Variants in RP1 observed in about 807,000 individuals in gnomAD.
RP1 encodes the protein RP1 axonemal microtubule associated.
A neutral mutation model predicts 14.8 loss-of-function variants in RP1; 16 were observed. That is an observed-to-expected ratio of 1.08 (90% CI 0.73 to 1.65). The LOEUF is 1.65. Ranked by LOEUF, RP1 falls within the 40% of genes most tolerant of loss-of-function variation. The probability of loss-of-function intolerance (pLI) is 0.00; values close to 1 mark genes in which losing one functional copy is unlikely to be tolerated. For missense variants in RP1, 2,631 were observed against 2,535.0 expected (o/e 1.04, Z -0.81); for synonymous variants, 876 against 883.6 (o/e 0.99, Z 0.15).
At chr8:54,851,761 A>G (rs1238155458) in intron 25 of RP1, among the ~76,000 whole-genome samples, 1 of 152,236 alleles carries the variant, frequency 6.6e-6, no homozygotes, top group Non-Finnish European at 1.5e-5. Flanking sequence ...GTCAGGCATG[A>G]TGGAAACAGC....
At chr8:54,698,492 A>ATCTAGAACT (rs1363375855) in intron 12 of RP1, among the ~76,000 whole-genome samples, 3 of 152,190 alleles carry the variant, frequency 2.0e-5, no homozygotes, top group Non-Finnish European at 4.4e-5. Flanking sequence ...TTCCTCAAGG[A>ATCTAGAACT]TCTAGAACTA....
intron 3 of RP1, among the ~76,000 whole-genome samples, chr8:54,647,084 A>G (rs1312166995): frequency 6.6e-6 from 1 of 152,200 alleles, no homozygotes; most frequent in Non-Finnish European, 1.5e-5. Flanking sequence ...TGTGTAGGGC[A>G]AACAAAATAT....
At chr8:54,760,085 C>G (rs1232048092) in intron 22 of RP1, among the ~76,000 whole-genome samples, 1 of 152,170 alleles carries the variant, frequency 6.6e-6, no homozygotes, top group Non-Finnish European at 1.5e-5. Flanking sequence ...ATCCTAAAGG[C>G]ATGCCACTAA....
chr8:54,843,951 C>T (rs1409093486), intron 25 of RP1, among the ~76,000 whole-genome samples: 1 of 152,164 alleles, frequency 6.6e-6, no homozygotes, highest in African/African-American at 2.4e-5. Context: ...ACTCTTTTTT[C>T]TGATTAGGAA....
chr8:54,822,692 T>C (rs1421925894), intron 24 of RP1, among the ~76,000 whole-genome samples: 1 of 152,162 alleles, frequency 6.6e-6, no homozygotes, highest in African/African-American at 2.4e-5. Flanking sequence ...GTAATCCAAG[T>C]AGTCCATGAG....
At chr8:54,745,789 C>T (rs181455188) in intron 19 of RP1, among the ~76,000 whole-genome samples, 1 of 151,888 alleles carries the variant, frequency 6.6e-6, no homozygotes, top group Non-Finnish European at 1.5e-5. Flanking sequence ...CTCATCTACC[C>T]CAACATAAAG....
intron 24 of RP1, among the ~76,000 whole-genome samples, chr8:54,809,940 G>A (rs139818509): frequency 6.6e-6 from 1 of 152,128 alleles, no homozygotes; most frequent in South Asian, 2.1e-4. Context: ...CAGTATTGCC[G>A]AGAGTCCAGG....
In RP1 at chr8:54,720,203, G is replaced by A. The variant is rs142125743; in HGVS notation, c.2286G>A (p.Thr762=). The change falls in exon 16 of 23, where the codon ACG becomes ACA. Residue 762 remains threonine, a synonymous_variant. Transcript: ENST00000636932. ...ATGCATCCATAAGCCTGGAATCTAC[G>A]AAGAGCCCAGGATTGTTTGTTGGAC... 1.4e-3 allele frequency: 2,186 copies of A among 1,535,784 alleles called. 20 individuals are homozygous for A. Among genetic ancestry groups the A allele is most frequent in the Middle Eastern group, 0.012 (69 of 5,990 alleles).
chr8:54,843,208 G>C (rs543826554), intron 25 of RP1, among the ~76,000 whole-genome samples: 19 of 152,122 alleles, frequency 1.2e-4, no homozygotes, highest in African/African-American at 2.7e-4. Flanking sequence ...GCTAGTTTTT[G>C]TATTTTTATG....
At chr8:54,848,754 T>G (rs1019287476) in intron 25 of RP1, among the ~76,000 whole-genome samples, 2 of 152,186 alleles carry the variant, frequency 1.3e-5, no homozygotes, top group Non-Finnish European at 2.9e-5. Flanking sequence ...CTTTTATTTC[T>G]TTTTATTTTT....
chr8:54,752,379 G>A (rs1809394429), intron 19 of RP1, among the ~76,000 whole-genome samples: 1 of 152,126 alleles, frequency 6.6e-6, no homozygotes, highest in Admixed American at 6.5e-5. Context: ...AGGAATAAAT[G>A]TTTGCAAAGG....
Position 54,624,892 on chromosome 8 carries a change from T to C in RP1, c.1010T>C (p.Val337Ala). Residue 337 changes from valine to alanine, a missense_variant, in exon 4 of 4, where the codon GTT becomes GCT. By Grantham distance (64) the Val-to-Ala change is moderately conservative. Transcript: ENST00000220676. The part of the protein sequence containing the change: ...QDGTMTVEMK[V>A]RFRIKEEETI... ...GGCACTATGACAGTTGAGATGAAAG[T>C]TCGATTCAGAATAAAAGAGGAAGAA... 1 of 1,613,938 alleles carries C rather than the reference T, an allele frequency of 6.2e-7. No individual in the cohort carries two copies. The highest frequency in any genetic ancestry group is 8.5e-7 in the Non-Finnish European group (1 of 1,180,006).
chr8:54,687,240 G>A (rs569603707), intron 12 of RP1, among the ~76,000 whole-genome samples: 3 of 152,108 alleles, frequency 2.0e-5, no homozygotes, highest in South Asian at 2.1e-4. Flanking sequence ...GTTAAGCTGC[G>A]GATGCCTGCT....
intron 1 of RP1, among the ~76,000 whole-genome samples, chr8:54,597,516 C>T (rs968637396): frequency 6.6e-6 from 1 of 152,234 alleles, no homozygotes; most frequent in African/African-American, 2.4e-5. Context: ...TTATGGCTCC[C>T]TCACCATTCA....
chr8:54,727,352 T>C (rs1217585349), intron 17 of RP1, among the ~76,000 whole-genome samples: 1 of 152,098 alleles, frequency 6.6e-6, no homozygotes, highest in East Asian at 1.9e-4. Flanking sequence ...TTAGTTAAAA[T>C]TTCTCACAGC....
At chr8:54,658,714 T>G (rs1451323398) in intron 6 of RP1, among the ~76,000 whole-genome samples, 1 of 152,212 alleles carries the variant, frequency 6.6e-6, no homozygotes, top group Non-Finnish European at 1.5e-5. Context: ...AATATCTCTT[T>G]GAGATTCTAC....
intron 21 of RP1, among the ~76,000 whole-genome samples, chr8:54,758,730 A>G (rs1809567243): frequency 6.6e-6 from 1 of 152,190 alleles, no homozygotes; most frequent in Non-Finnish European, 1.5e-5. Flanking sequence ...CCAGAAATAT[A>G]TTTTTAATAG....
At chr8:54,761,233 C>CT (rs71554177) in intron 22 of RP1, among the ~76,000 whole-genome samples, 28,590 of 109,166 alleles carry the variant, frequency 0.26, 5,450 homozygotes, top group East Asian at 0.44. Context: ...CGCTACCTTA[C>CT]TTTTTTTTTT....
At chr8:54,841,481 G>T (rs1811788275) in intron 25 of RP1, among the ~76,000 whole-genome samples, 3 of 152,170 alleles carry the variant, frequency 2.0e-5, no homozygotes, top group African/African-American at 4.8e-5. Flanking sequence ...TTGTGACATT[G>T]TCTTTATTTT....
Sources: gnomAD v4.1 joint callset for allele counts (sites outside exome capture counted in the v4.1 genomes callset) on GRCh38, gnomAD v4.1.1 for gene constraint, MANE v1.5 for transcripts, NCBI Gene and HGNC (gene_info 2026-07-23, HGNC 2026-07-21) for gene names.